Variants in HS6ST2 observed in about 807,000 individuals in gnomAD.
The protein encoded by HS6ST2 is heparan sulfate 6-O-sulfotransferase 2.
Under a neutral mutation model 33.0 loss-of-function variants are expected in HS6ST2, and 17 were observed. The observed-to-expected ratio is 0.52, with a 90% confidence interval of 0.35 to 0.77. HS6ST2 has a LOEUF of 0.77. Among genes scored for constraint, HS6ST2 ranks in the 30% least tolerant of loss-of-function variants. The pLI, the probability that HS6ST2 is intolerant of heterozygous loss-of-function variation, is 0.01. For missense variants in HS6ST2, 519 were observed against 551.7 expected (o/e 0.94, Z 0.59); for synonymous variants, 248 against 237.1 (o/e 1.05, Z -0.42).
chrX:132,743,523 G>A (rs1654674156), intron 2 of HS6ST2, among the ~76,000 whole-genome samples: 1 of 112,041 alleles, frequency 8.9e-6, no homozygotes, highest in Non-Finnish European at 1.9e-5. Flanking sequence ...TATTGATGGC[G>A]ATTGATAATC....
chrX:132,695,132 C>T lies in HS6ST2; in HGVS notation c.980+13330G>A, dbSNP rs1449106999. Among the ~76,000 whole-genome samples, 21 of 111,191 alleles carry T rather than the reference C, an allele frequency of 1.9e-4. No homozygotes were observed. In the Admixed American group the frequency reaches 2.0e-3, roughly 11 times the overall value. On this transcript the variant is annotated intron_variant, in intron 3 of 4. Coordinates refer to ENST00000370833, the MANE Select transcript of HS6ST2 (RefSeq NM_001394073.1). Reference sequence around the variant, plus strand: ...CTCTCGCTAGCTACAATGACTCAACCAAACCCATCCGCCACTTGGTATAAG... The same window carrying T: ...CTCTCGCTAGCTACAATGACTCAACTAAACCCATCCGCCACTTGGTATAAG...
Position 132,860,550 on chromosome X carries a change from G to A in HS6ST2, c.947+96258C>T, listed in dbSNP as rs188554426. On this transcript the variant is annotated intron_variant, in intron 2 of 4. Transcript: ENST00000370833. The stretch of plus-strand genomic sequence containing the variant: ...ATCACTTGCTGCTCATCAAAATGAG[G>A]AGTACATGTCTGAGGGCAAAGGAGA... Among the ~76,000 whole-genome samples, 222 of 111,788 alleles carry A rather than the reference G, an allele frequency of 2.0e-3. 1 individual carries two copies. The highest frequency in any genetic ancestry group is 7.0e-3 in the African/African-American group (215 of 30,815).
chrX:132,934,175 T>C (rs1239289987), intron 2 of HS6ST2, among the ~76,000 whole-genome samples: 1 of 111,940 alleles, frequency 8.9e-6, no homozygotes, highest in Admixed American at 9.5e-5. Context: ...TATAATTGTA[T>C]TGTTGGGACC....
intron 2 of HS6ST2, among the ~76,000 whole-genome samples, chrX:132,783,697 AC>A (rs1357562176): frequency 9.1e-6 from 1 of 110,058 alleles, no homozygotes; most frequent in Non-Finnish European, 1.9e-5. Context: ...CACTCTAGGA[AC>A]CCCTCCCTCA....
chrX:132,641,569 G>T (rs2063601577), intron 4 of HS6ST2, among the ~76,000 whole-genome samples: 1 of 113,160 alleles, frequency 8.8e-6, no homozygotes, highest in African/African-American at 3.2e-5. Flanking sequence ...TCAAATTCCA[G>T]TTCTGGCAGT....
intron 2 of HS6ST2, among the ~76,000 whole-genome samples, chrX:132,804,064 A>T (rs2065258748): frequency 8.9e-6 from 1 of 112,213 alleles, no homozygotes. Flanking sequence ...GATAATTTAT[A>T]TATGAAAATC....
At chrX:132,662,461 C>T (rs1196590553) in intron 4 of HS6ST2, among the ~76,000 whole-genome samples, 1 of 112,191 alleles carries the variant, frequency 8.9e-6, no homozygotes, top group Non-Finnish European at 1.9e-5. Context: ...GAATTCTCAA[C>T]CATGTATGAC....
intron 2 of HS6ST2, among the ~76,000 whole-genome samples, chrX:132,788,009 C>T (rs373245430): frequency 6.3e-5 from 7 of 111,743 alleles, no homozygotes; most frequent in Admixed American, 1.9e-4. Context: ...ATGAAACTAA[C>T]GATAGGGTAT....
intron 2 of HS6ST2, among the ~76,000 whole-genome samples, chrX:132,789,119 T>C (rs1442327784): frequency 8.9e-6 from 1 of 112,337 alleles, no homozygotes; most frequent in Non-Finnish European, 1.9e-5. Context: ...ATATTGGAAG[T>C]AAATGCCATC....
chrX:132,775,736 C>T (rs982263783), intron 2 of HS6ST2, among the ~76,000 whole-genome samples: 1 of 111,096 alleles, frequency 9.0e-6, no homozygotes, highest in Non-Finnish European at 1.9e-5. Flanking sequence ...TGTTCTCATG[C>T]CATTTTCTAC....
chrX:132,717,545 C>T (rs2064286907), intron 2 of HS6ST2, among the ~76,000 whole-genome samples: 2 of 112,112 alleles, frequency 1.8e-5, no homozygotes, highest in Admixed American at 9.4e-5. Context: ...TCTGAGTGTC[C>T]GGGGTCAAGT....
At chrX:132,946,294 A>C (rs752542209) in intron 2 of HS6ST2, among the ~76,000 whole-genome samples, 1 of 112,215 alleles carries the variant, frequency 8.9e-6, no homozygotes, top group South Asian at 3.8e-4. Context: ...AGGATTATAA[A>C]TCATGCTGCT....
At chrX:132,668,801 C>T (rs2063831727) in intron 4 of HS6ST2, among the ~76,000 whole-genome samples, 1 of 111,233 alleles carries the variant, frequency 9.0e-6, no homozygotes, top group Non-Finnish European at 1.9e-5. Context: ...ATTCTTAAAA[C>T]TTGTAATCCA....
intron 2 of HS6ST2, among the ~76,000 whole-genome samples, chrX:132,897,999 G>C (rs749142033): frequency 1.8e-5 from 2 of 111,174 alleles, no homozygotes. Context: ...GGTGAGCAGC[G>C]GGCCAGCAAG....
intron 2 of HS6ST2, among the ~76,000 whole-genome samples, chrX:132,757,295 G>C (rs931316427): frequency 8.9e-6 from 1 of 111,866 alleles, no homozygotes; most frequent in African/African-American, 3.3e-5. Flanking sequence ...CAGCATCTCT[G>C]AGAAGTCAGA....
At chrX:132,926,496 G>A (rs1425608122) in intron 2 of HS6ST2, among the ~76,000 whole-genome samples, 1 of 112,602 alleles carries the variant, frequency 8.9e-6, no homozygotes, top group African/African-American at 3.2e-5. Flanking sequence ...AATCCTGTCT[G>A]TTTAGGTCCA....
chrX:132,783,632 C>T (rs1486477885), intron 2 of HS6ST2, among the ~76,000 whole-genome samples: 4 of 111,088 alleles, frequency 3.6e-5, no homozygotes, highest in Non-Finnish European at 5.7e-5. Flanking sequence ...CAGGGTCCTC[C>T]TGAGGGAATT....
At chrX:132,822,841 G>C (rs934056572) in intron 2 of HS6ST2, among the ~76,000 whole-genome samples, 5 of 112,190 alleles carry the variant, frequency 4.5e-5, no homozygotes, top group Admixed American at 9.4e-5. Context: ...GCTTGGGCTA[G>C]TTTCTCTTTC....
intron 2 of HS6ST2, among the ~76,000 whole-genome samples, chrX:132,871,780 G>C (rs920533796): frequency 2.1e-4 from 23 of 108,523 alleles, no homozygotes; most frequent in Non-Finnish European, 3.8e-4. Flanking sequence ...GGCCTGTTGG[G>C]GGAGTGAGGG....
Sources: gnomAD v4.1 joint callset for allele counts (sites outside exome capture counted in the v4.1 genomes callset) on GRCh38, gnomAD v4.1.1 for gene constraint, MANE v1.5 for transcripts, NCBI Gene and HGNC (gene_info 2026-07-23, HGNC 2026-07-21) for gene names.